The following ADD2 variants were observed in gnomAD, a reference collection of about 807,000 sequenced individuals.
ADD2 encodes adducin 2.
Under a neutral mutation model 83.0 loss-of-function variants are expected in ADD2, and 23 were observed. The ratio of observed to expected loss-of-function variants is 0.28; its 90% CI spans 0.20 to 0.39. The LOEUF is 0.39. Among genes scored for constraint, ADD2 ranks in the 10% least tolerant of loss-of-function variants. The pLI is 1.00. For missense variants in ADD2, 758 were observed against 944.9 expected (o/e 0.80, Z 2.59); for synonymous variants, 375 against 375.4 (o/e 1.00, Z 0.01).
At chr2:70,727,393 C>T (rs1673060893) in intron 1 of ADD2, among the ~76,000 whole-genome samples, 1 of 151,790 alleles carries the variant, frequency 6.6e-6, no homozygotes, top group African/African-American at 2.4e-5. Context: ...CTAATTGCCT[C>T]TCCCTCTCCC....
At chr2:70,696,144 C>G in intron 5 of ADD2, 101 bp downstream of exon 5, 1 of 1,465,212 alleles carries the variant, frequency 6.8e-7, no homozygotes, top group Non-Finnish European at 9.3e-7. Context: ...AGCCAAAGGT[C>G]ACCAGCAGTG....
chr2:70,767,833 CAGG>C, intron 1 of ADD2, 50 bp downstream of exon 1: 1 of 1,531,386 alleles, frequency 6.5e-7, no homozygotes, highest in Non-Finnish European at 8.7e-7. Flanking sequence ...GTCTCCGCGC[CAGG>C]AGACCAGCGA....
Position 70,663,304 on chromosome 2 carries a change from TC to T in ADD2, c.*120del. ...GGTCGGGTGATCTCTAAGTTCCCCTTCCGAATGTGGTCCAGGGTCCTACTCT... is the reference window on the plus strand; with the variant it reads ...GGTCGGGTGATCTCTAAGTTCCCCTTCGAATGTGGTCCAGGGTCCTACTCT... On this transcript the variant is annotated 3_prime_UTR_variant, in exon 16 of 16. Transcript: ENST00000264436. 1.7e-6 allele frequency: 2 copies of T among 1,159,968 alleles called. No homozygotes were observed. Among genetic ancestry groups the T allele is most frequent in the Non-Finnish European group, 2.5e-6 (2 of 815,974 alleles). 71.9% of individuals were successfully genotyped at this position (1,159,968 alleles called of 1,614,324 possible).
At chr2:70,671,187 C>G (rs918166177) in intron 15 of ADD2, among the ~76,000 whole-genome samples, 1 of 152,178 alleles carries the variant, frequency 6.6e-6, no homozygotes, top group Non-Finnish European at 1.5e-5. Context: ...CAGGTTCCTT[C>G]AAGGTGCCTG....
chr2:70,673,181 T>A, intron 14 of ADD2, 175 bp from the exon 15 acceptor site: 1 of 1,594,264 alleles, frequency 6.3e-7, no homozygotes, highest in Non-Finnish European at 8.6e-7. Flanking sequence ...TTCTGCTACT[T>A]CCCTGGGAAG....
At chr2:70,712,464 A>T (rs535487704) in intron 2 of ADD2, among the ~76,000 whole-genome samples, 13,589 of 134,874 alleles carry the variant, frequency 0.1, 870 homozygotes, top group Middle Eastern at 0.16. Context: ...AATAAATAAA[A>T]AAAAAAAAAA....
chr2:70,726,530 GT>G (rs1673011597), intron 1 of ADD2, among the ~76,000 whole-genome samples: 1 of 152,174 alleles, frequency 6.6e-6, no homozygotes, highest in Non-Finnish European at 1.5e-5. Flanking sequence ...TGAGAAAAAG[GT>G]TTTATGATCC....
At chr2:70,726,422 G>A (rs1025087764) in intron 1 of ADD2, among the ~76,000 whole-genome samples, 1 of 152,126 alleles carries the variant, frequency 6.6e-6, no homozygotes, top group Admixed American at 6.5e-5. Flanking sequence ...GAATTGAATA[G>A]CAGCTCACCC....
At chr2:70,663,814 C>G (rs568171642) in intron 15 of ADD2, 79 bp from the exon 16 acceptor site, 1 of 1,411,336 alleles carries the variant, frequency 7.1e-7, no homozygotes, top group African/African-American at 1.4e-5. Context: ...AGAACCATTT[C>G]TAGGGAATTC....
chr2:70,680,180 G>T (rs1013370789), intron 10 of ADD2, among the ~76,000 whole-genome samples: 1 of 152,050 alleles, frequency 6.6e-6, no homozygotes, highest in Non-Finnish European at 1.5e-5. Flanking sequence ...ACCCCTATGA[G>T]TTCACTTTTT....
At chr2:70,679,283 C>G (rs1553369112) in intron 10 of ADD2, among the ~76,000 whole-genome samples, 1 of 152,182 alleles carries the variant, frequency 6.6e-6, no homozygotes, top group Non-Finnish European at 1.5e-5. Flanking sequence ...TGGCTCCCAG[C>G]CCTGGCTGTA....
intron 15 of ADD2, 78 bp downstream of exon 15, chr2:70,672,800 C>A: frequency 6.8e-7 from 1 of 1,480,402 alleles, no homozygotes; most frequent in Non-Finnish European, 9.0e-7. Context: ...AGGGGCAACA[C>A]GAGTGGAAGG....
chr2:70,675,447 C>T lies in ADD2; in HGVS notation c.1594-622G>A, dbSNP rs1307517023. On this transcript the variant is annotated intron_variant, in intron 13 of 15. Transcript: ENST00000264436. The stretch of plus-strand genomic sequence containing the variant: ...GTCCCTGCAGGGATACTGGCAAAAT[C>T]ACTGGGTTTTGCCACCTCTGTGGAG... 4 of 985,362 alleles carry T rather than the reference C, an allele frequency of 4.1e-6. No homozygotes were observed. In the African/African-American group the frequency reaches 7.0e-5, roughly 17 times the overall value. 61.0% of individuals were successfully genotyped at this position (985,362 alleles called of 1,614,324 possible). A position where few individuals can be genotyped will look rare whatever the true frequency, so the allele number is the denominator to read the frequency against.
chr2:70,670,806 A>G (rs372169853), intron 15 of ADD2, among the ~76,000 whole-genome samples: 1 of 152,200 alleles, frequency 6.6e-6, no homozygotes, highest in Non-Finnish European at 1.5e-5. Flanking sequence ...TCCCCACCCA[A>G]CTACAGCTTG....
At chr2:70,757,615 G>A (rs1674864439) in intron 1 of ADD2, among the ~76,000 whole-genome samples, 1 of 152,112 alleles carries the variant, frequency 6.6e-6, no homozygotes, top group African/African-American at 2.4e-5. Flanking sequence ...TAAAAAAAGG[G>A]ATGCTGAGAT....
intron 1 of ADD2, among the ~76,000 whole-genome samples, chr2:70,726,507 T>C (rs1673009535): frequency 6.6e-6 from 1 of 152,130 alleles, no homozygotes; most frequent in Admixed American, 6.5e-5. Flanking sequence ...AGTCTCATCC[T>C]TTTTGCTAGG....
At position 70,695,820 on chromosome 2, in the gene ADD2, T is replaced by A. The variant is rs1553372514; in HGVS notation, c.475-19A>T. On this transcript the variant is annotated intron_variant, in intron 5 of 15. Transcript: ENST00000264436. The stretch of plus-strand genomic sequence containing the variant: ...CTCTCAACTGGAGGAAAGACACAAG[T>A]TCTCAGGGGCAAGGAGGGAGAAAGG... 1 of 1,610,084 alleles carries A rather than the reference T, an allele frequency of 6.2e-7. No individual in the cohort carries two copies. Among genetic ancestry groups the A allele is most frequent in the South Asian group, 1.1e-5 (1 of 90,742 alleles).
Position 70,676,815 on chromosome 2 carries a change from G to C in ADD2, c.1574C>G (p.Ala525Gly), listed in dbSNP as rs868929630. 3 of 1,614,088 alleles carry C rather than the reference G, an allele frequency of 1.9e-6. No homozygotes were observed. The highest frequency in any genetic ancestry group is 2.7e-5 in the African/African-American group (2 of 74,948). ...CTCTACCGGGCTTCGGCTCTTCTCGGCAATGACGCTCGCCAGGAGCTGGGA... is the reference window on the plus strand; with the variant it reads ...CTCTACCGGGCTTCGGCTCTTCTCGCCAATGACGCTCGCCAGGAGCTGGGA... Reference protein sequence around the residue: ...PQSQLLASVIAEKSRSPSTES... With the variant: ...PQSQLLASVIGEKSRSPSTES... Residue 525 changes from alanine to glycine, a missense_variant, in exon 13 of 16, where the codon GCC (alanine) becomes GGC (glycine). Physicochemically the swap from Ala to Gly is moderately conservative, Grantham distance 60 (BLOSUM62 0). This residue lies in a region of ADD2 where 394 missense variants were observed against 509.3 expected (regional missense o/e 0.77). Coordinates refer to ENST00000264436, the MANE Select transcript of ADD2 (RefSeq NM_001617.4). The surrounding 1 kb of genome is among the most constrained non-coding windows in gnomAD (Gnocchi z 4.8).
At chr2:70,757,307 C>T (rs1013000120) in intron 1 of ADD2, among the ~76,000 whole-genome samples, 4 of 151,456 alleles carry the variant, frequency 2.6e-5, no homozygotes, top group South Asian at 2.1e-4. Context: ...GGGATTTGTA[C>T]AGGGATTGTT....
Sources: allele counts gnomAD v4.1 joint callset (sites outside exome capture counted in the v4.1 genomes callset), GRCh38; gene constraint gnomAD v4.1.1; regional missense constraint gnomAD v4.1.1; non-coding constraint Gnocchi (gnomAD v3.1); transcripts MANE v1.5; gene names NCBI Gene and HGNC (gene_info 2026-07-23, HGNC 2026-07-21).